LRRIQ3: variants seen among roughly 807,000 people sequenced by gnomAD.
LRRIQ3 encodes leucine rich repeats and IQ motif containing 3.
A neutral mutation model predicts 59.3 loss-of-function variants in LRRIQ3; 75 were observed. The observed-to-expected ratio is 1.26, with a 90% CI of 1.05 to 1.53. The LOEUF (loss-of-function observed/expected upper bound fraction) is 1.53. Among genes scored for constraint, LRRIQ3 ranks in the 40% most tolerant of loss-of-function variants. The pLI, the probability that LRRIQ3 is intolerant of heterozygous loss-of-function variation, is 0.00. For missense variants in LRRIQ3, 831 were observed against 710.0 expected, an observed-to-expected ratio of 1.17 and a Z score of -1.94; for synonymous variants, 250 against 231.3, an observed-to-expected ratio of 1.08 and a Z score of -0.73.
rs905989657 is a variant in LRRIQ3 at position 74,078,874 on chromosome 1, A to G, written c.868-4084T>C. ...TCCATCTTCTTCATTTTGAAAAATA[A>G]TGCAGAAAAAAATAATTTTTTGATC... On this transcript the variant is annotated intron_variant, in intron 5 of 7. Coordinates refer to ENST00000354431, the MANE Select transcript of LRRIQ3 (RefSeq NM_001105659.2). Among the ~76,000 whole-genome samples, 7 of 151,990 alleles carry G rather than the reference A, an allele frequency of 4.6e-5. No homozygotes were observed. The East Asian group carries it at 1.2e-3, about 25-fold the overall frequency.
Position 74,082,167 on chromosome 1 carries a change from T to A in LRRIQ3, c.868-7377A>T, listed in dbSNP as rs1173435257. 3 of 151,574 alleles carry A rather than the reference T, an allele frequency of 2.0e-5. No individual in the cohort carries two copies. The East Asian group carries it at 5.8e-4, about 29-fold the overall frequency. 9.4% of individuals were successfully genotyped at this position (151,574 alleles called of 1,614,324 possible). ...TAAATTATGTCTTTTTCAAAATATTTCATAATTTACTGATTATTTCCCTAT... is the reference window on the plus strand; with the variant it reads ...TAAATTATGTCTTTTTCAAAATATTACATAATTTACTGATTATTTCCCTAT... On this transcript the variant is annotated intron_variant, in intron 5 of 7. Coordinates refer to ENST00000354431, the MANE Select transcript of LRRIQ3 (RefSeq NM_001105659.2).
At chr1:74,111,161 G>A (rs1268864558) in intron 4 of LRRIQ3, among the ~76,000 whole-genome samples, 4 of 151,640 alleles carry the variant, frequency 2.6e-5, no homozygotes, top group African/African-American at 7.3e-5. Context: ...ATGTTAAAGG[G>A]AAAAGTAGTC....
chr1:74,077,268 C>T lies in LRRIQ3; in HGVS notation c.868-2478G>A, dbSNP rs1403847886. Among the ~76,000 whole-genome samples, 5 of 152,070 alleles carry T rather than the reference C, an allele frequency of 3.3e-5. No individual in the cohort carries two copies. In the East Asian group the frequency reaches 7.7e-4, roughly 24 times the overall value. Reference sequence around the variant, plus strand: ...TTTGGAAACTTCTCTCTGTTTCTGCCTCCTAACGATGCAATTCATCACATG... The same window carrying T: ...TTTGGAAACTTCTCTCTGTTTCTGCTTCCTAACGATGCAATTCATCACATG... On this transcript the variant is annotated intron_variant, in intron 5 of 7. Coordinates refer to ENST00000354431, the MANE Select transcript of LRRIQ3 (RefSeq NM_001105659.2).
chr1:74,110,917 T>C (rs1263900891), intron 4 of LRRIQ3, among the ~76,000 whole-genome samples: 3 of 152,072 alleles, frequency 2.0e-5, no homozygotes, highest in Admixed American at 6.6e-5. Flanking sequence ...CCAAAATCAC[T>C]GCCATCAGCT....
chr1:74,043,923 G>C (rs954423016), intron 6 of LRRIQ3, among the ~76,000 whole-genome samples: 2 of 152,006 alleles, frequency 1.3e-5, no homozygotes. Flanking sequence ...ATTATTTTAA[G>C]TTTTGCTCAG....
chr1:74,091,008 G>A (rs1043466735), intron 5 of LRRIQ3, among the ~76,000 whole-genome samples: 2 of 152,020 alleles, frequency 1.3e-5, no homozygotes, highest in African/African-American at 4.8e-5. Flanking sequence ...TTTAAGAGAA[G>A]GCAAGATCCC....
At chr1:74,065,803 CAG>C (rs1393223156) in intron 6 of LRRIQ3, among the ~76,000 whole-genome samples, 1 of 152,004 alleles carries the variant, frequency 6.6e-6, no homozygotes, top group Non-Finnish European at 1.5e-5. Context: ...TGGTAATAAA[CAG>C]AATGATCCTG....
rs559904629 is a variant in LRRIQ3 at position 74,054,955 on chromosome 1, TTA to T, written c.998-13024_998-13023del. 6.8e-5 allele frequency among the ~76,000 whole-genome samples: 10 copies of T among 147,244 alleles called. 1 individual carries two copies. The South Asian group carries it at 2.1e-3, about 31-fold the overall frequency. On this transcript the variant is annotated intron_variant, in intron 6 of 7. Transcript: ENST00000354431. ...GTATTACATATTATGAATTATATAA[TTA>T]TATAAAATATTATAAATATATAATT... is the stretch of plus-strand genomic sequence containing the variant.
intron 6 of LRRIQ3, among the ~76,000 whole-genome samples, 162 bp downstream of exon 6, chr1:74,074,499 C>G (rs893289966): frequency 6.6e-6 from 1 of 152,060 alleles, no homozygotes; most frequent in Non-Finnish European, 1.5e-5. Flanking sequence ...TGTCTGGCTT[C>G]ATTTGCTCCA....
rs1651360814 is a variant in LRRIQ3, at chr1:74,198,136, G to C, written c.-141C>G. The C allele has an allele frequency of 2.7e-6, 4 of 1,471,362 alleles. No homozygotes were observed. In the South Asian group the frequency reaches 5.4e-5, roughly 20 times the overall value. The allele number at this position is 1,471,362 out of a possible 1,614,324, so 91.1% of individuals were successfully genotyped here. A position where few individuals can be genotyped will look rare whatever the true frequency, so the allele number is the denominator to read the frequency against. The stretch of plus-strand genomic sequence containing the variant: ...ACAACATCCAAGTTCTCCACATCAT[G>C]GTTTTCCGGGCGCCAGCCAAGGCGC... On this transcript the variant is annotated 5_prime_UTR_variant, in exon 1 of 8. Transcript: ENST00000354431.
At position 74,041,884 on chromosome 1, in the gene LRRIQ3, A is replaced by G; in HGVS notation, c.1047T>C (p.Phe349=). The G allele has an allele frequency of 6.2e-7, 1 of 1,608,710 alleles. No individual in the cohort carries two copies. The highest frequency in any genetic ancestry group is 8.5e-7 in the Non-Finnish European group (1 of 1,177,064). Residue 349 remains phenylalanine, a synonymous_variant, in exon 7 of 8, where the codon TTT becomes TTC. Transcript: ENST00000354431. The part of the protein sequence containing the change: ...EIVDEKLDTS[F]RISVFKLPIY... ...TGGGTAGTTTGAAAACTGATATCCT[A>G]AAACTGGTATCCAATTTTTCATCCA...
intron 4 of LRRIQ3, among the ~76,000 whole-genome samples, chr1:74,113,024 A>G (rs1216932324): frequency 6.6e-6 from 1 of 152,162 alleles, no homozygotes; most frequent in African/African-American, 2.4e-5. Flanking sequence ...CAGATGTTAT[A>G]AATATGTTGA....
intron 4 of LRRIQ3, among the ~76,000 whole-genome samples, chr1:74,122,257 C>T (rs1646870125): frequency 6.6e-6 from 1 of 152,106 alleles, no homozygotes; most frequent in South Asian, 2.1e-4. Context: ...TGTTTCCTGA[C>T]TTTTTAATGA....
At position 74,074,670 on chromosome 1, in the gene LRRIQ3, T is replaced by A. The variant is rs190944602; in HGVS notation, c.988A>T (p.Ile330Phe). The A allele has an allele frequency of 8.3e-6, 11 of 1,317,982 alleles. No homozygotes were observed. In the African/African-American group the frequency reaches 1.4e-4, roughly 17 times the overall value. 81.6% of individuals were successfully genotyped at this position (1,317,982 alleles called of 1,614,324 possible). A position where few individuals can be genotyped will look rare whatever the true frequency, so the allele number is the denominator to read the frequency against. Residue 330 changes from isoleucine to phenylalanine, a missense_variant, in exon 6 of 8, where the codon ATT becomes TTT. Transcript: ENST00000354431. ...AATTCATATAACTAACCTTTTTGAA[T>A]GAGATGTCTTGATGTTTTTGATTTC... ...GMKSKTSRHL[I>F]QKGQESEDEI...
chr1:74,089,410 G>A (rs554539052), intron 5 of LRRIQ3, among the ~76,000 whole-genome samples: 9 of 151,940 alleles, frequency 5.9e-5, no homozygotes, highest in Non-Finnish European at 8.8e-5. Flanking sequence ...GGAACTCAAC[G>A]AATGAATGGA....
intron 7 of LRRIQ3, among the ~76,000 whole-genome samples, chr1:74,036,299 T>C (rs1653870200): frequency 6.6e-6 from 1 of 152,154 alleles, no homozygotes; most frequent in South Asian, 2.1e-4. Context: ...GGAAGGAATA[T>C]TATATAGAAA....
At chr1:74,051,484 T>C (rs920126800) in intron 6 of LRRIQ3, among the ~76,000 whole-genome samples, 2 of 152,176 alleles carry the variant, frequency 1.3e-5, no homozygotes, top group Non-Finnish European at 2.9e-5. Flanking sequence ...TGAGATATAC[T>C]TAATATTCCA....
At chr1:74,167,183 T>C (rs1362009226) in intron 3 of LRRIQ3, among the ~76,000 whole-genome samples, 2 of 151,844 alleles carry the variant, frequency 1.3e-5, no homozygotes, top group Non-Finnish European at 2.9e-5. Context: ...CAATTTGGAA[T>C]TGCAAAAATA....
chr1:74,061,393 G>A (rs1165621591), intron 6 of LRRIQ3, among the ~76,000 whole-genome samples: 1 of 152,100 alleles, frequency 6.6e-6, no homozygotes, highest in Non-Finnish European at 1.5e-5. Flanking sequence ...CAGATTCAAT[G>A]TTATTCCTAT....
Sources: gnomAD v4.1 joint callset for allele counts (sites outside exome capture counted in the v4.1 genomes callset) on GRCh38, gnomAD v4.1.1 for gene constraint, MANE v1.5 for transcripts, NCBI Gene and HGNC (gene_info 2026-07-23, HGNC 2026-07-21) for gene names.